Variants in TENM2 observed in about 807,000 individuals in gnomAD.
TENM2 encodes the protein teneurin-2.
TENM2 carries 52 observed loss-of-function variants against 245.2 expected under a neutral mutation model. The ratio of observed to expected loss-of-function variants is 0.21; its 90% CI spans 0.17 to 0.27. The LOEUF is 0.27. Ranked by LOEUF, TENM2 falls within the 10% of genes least tolerant of loss-of-function variation. The pLI is 1.00. For missense variants in TENM2, 3,046 were observed against 3,666.8 expected (o/e 0.83, Z 4.37); for synonymous variants, 1,363 against 1,438.9 (o/e 0.95, Z 1.19).
At chr5:167,454,873 C>T (rs1276482802) in intron 2 of TENM2, among the ~76,000 whole-genome samples, 1 of 152,118 alleles carries the variant, frequency 6.6e-6, no homozygotes, top group East Asian at 1.9e-4. Context: ...ATGATGAAAG[C>T]CTGTGATGGA....
chr5:167,465,736 C>G (rs1335772971), intron 2 of TENM2, among the ~76,000 whole-genome samples: 1 of 152,120 alleles, frequency 6.6e-6, no homozygotes, highest in East Asian at 1.9e-4. Context: ...GAGGCTGAGG[C>G]AGGAGAATGG....
intron 2 of TENM2, among the ~76,000 whole-genome samples, chr5:167,749,787 G>A (rs920417548): frequency 2.0e-5 from 3 of 152,066 alleles, no homozygotes; most frequent in Non-Finnish European, 2.9e-5. Context: ...ACTGTGCACT[G>A]GCATTTGAAA....
chr5:167,281,112 TG>T (rs142262238), upstream of TENM2, among the ~76,000 whole-genome samples: 12,912 of 147,718 alleles, frequency 0.087, 732 homozygotes, highest in East Asian at 0.19. Flanking sequence ...TGACAATCAA[TG>T]TTTTTTTTTT....
At chr5:168,236,959 T>C (rs1562318613) in intron 25 of TENM2, among the ~76,000 whole-genome samples, 31 of 2,254 alleles carry the variant, frequency 0.014, 1 homozygote, top group Non-Finnish European at 0.031. Flanking sequence ...TATATATATA[T>C]ATATATATAT....
In TENM2 at chr5:167,959,188, CTT is replaced by C. The variant is rs71593155; in HGVS notation, c.947+6381_947+6382del. Among the ~76,000 whole-genome samples, 1,354 of 138,222 alleles carry C rather than the reference CTT, an allele frequency of 9.8e-3. 16 individuals carry two copies. Among genetic ancestry groups the C allele is most frequent in the African/African-American group, 0.034 (1,277 of 37,752 alleles). The allele number at this position is 138,222 out of a possible 152,430, so 90.7% of individuals were successfully genotyped here. On this transcript the variant is annotated intron_variant, in intron 4 of 28. Transcript: ENST00000518659. The stretch of plus-strand genomic sequence containing the variant: ...GAGGCTTAGTTCATTCCTTTTCATT[CTT>C]TTTTTTTTTTTTTTCTTTTTTTGAG...
chr5:167,308,736 C>T (rs182488580), intron 1 of TENM2, among the ~76,000 whole-genome samples: 2 of 152,340 alleles, frequency 1.3e-5, no homozygotes, highest in African/African-American at 4.8e-5. Context: ...TATAAATATG[C>T]TGTCGGGCTC....
At chr5:167,639,929 T>C (rs1779445304) in intron 2 of TENM2, among the ~76,000 whole-genome samples, 1 of 152,292 alleles carries the variant, frequency 6.6e-6, no homozygotes, top group South Asian at 2.1e-4. Context: ...GATCTACCAC[T>C]CAGTTTATAG....
intron 13 of TENM2, among the ~76,000 whole-genome samples, chr5:168,167,884 A>T (rs1327568008): frequency 6.6e-6 from 1 of 152,182 alleles, no homozygotes; most frequent in East Asian, 1.9e-4. Flanking sequence ...AATGCATGTG[A>T]TGTATTTTAC....
chr5:167,175,345 G>A, the TENM2 span, among the ~76,000 whole-genome samples: 1 of 151,860 alleles, frequency 6.6e-6, no homozygotes, highest in South Asian at 2.1e-4. Flanking sequence ...GTTTCAGATG[G>A]CCAGTGGTAA....
the TENM2 span, among the ~76,000 whole-genome samples, chr5:167,122,091 T>G: frequency 8.5e-5 from 13 of 152,180 alleles, no homozygotes; most frequent in Non-Finnish European, 1.5e-4. Flanking sequence ...CTGCCCGTAG[T>G]ATTGCATTCA....
upstream of TENM2, among the ~76,000 whole-genome samples, chr5:167,280,081 C>A: frequency 6.6e-6 from 1 of 152,182 alleles, no homozygotes; most frequent in East Asian, 1.9e-4. Context: ...GAACCTACCT[C>A]ATTACTGCCA....
At chr5:167,489,278 G>C (rs1768278560) in intron 2 of TENM2, among the ~76,000 whole-genome samples, 2 of 152,126 alleles carry the variant, frequency 1.3e-5, no homozygotes, top group Non-Finnish European at 2.9e-5. Flanking sequence ...ATGCAATCTG[G>C]CTCTACTGAC....
intron 1 of TENM2, among the ~76,000 whole-genome samples, chr5:167,294,605 G>C (rs138921479): frequency 6.6e-6 from 1 of 152,162 alleles, no homozygotes; most frequent in African/African-American, 2.4e-5. Context: ...CCACCACTCA[G>C]AGTTGACCTC....
intron 3 of TENM2, among the ~76,000 whole-genome samples, chr5:167,912,916 C>A (rs979418265): frequency 7.9e-5 from 12 of 151,992 alleles, no homozygotes; most frequent in Admixed American, 7.2e-4. Flanking sequence ...ACACCCTGGG[C>A]AAAGGCAAGG....
At chr5:168,157,381 T>A (rs1015970242) in intron 12 of TENM2, among the ~76,000 whole-genome samples, 1 of 152,118 alleles carries the variant, frequency 6.6e-6, no homozygotes, top group East Asian at 1.9e-4. Flanking sequence ...GCTATTGAAG[T>A]GTTTCCAGCA....
chr5:167,276,380 G>T, the TENM2 span, among the ~76,000 whole-genome samples: 1 of 150,836 alleles, frequency 6.6e-6, no homozygotes, highest in Non-Finnish European at 1.5e-5. Flanking sequence ...GTGTGTGTGT[G>T]TGTGTGTGTG....
chr5:168,156,247 T>TAAA (rs58825054), intron 12 of TENM2, among the ~76,000 whole-genome samples: 9 of 80,794 alleles, frequency 1.1e-4, no homozygotes, highest in African/African-American at 5.0e-4. Flanking sequence ...TCCCCATAGT[T>TAAA]AAAAAAAAAA....
exon 1 of TENM2, chr5:167,284,799 C>A (rs777928589): frequency 6.7e-7 from 1 of 1,498,394 alleles, no homozygotes; most frequent in Non-Finnish European, 9.1e-7. Context: ...TCAGGCCTGA[C>A]TTTTCTGAAA....
the TENM2 span, among the ~76,000 whole-genome samples, chr5:167,211,986 C>A: frequency 1.3e-5 from 2 of 152,140 alleles, no homozygotes; most frequent in African/African-American, 2.4e-5. Context: ...AGTTACATCT[C>A]TAAAGCCCAA....
Sources: gnomAD v4.1 joint callset for allele counts (sites outside exome capture counted in the v4.1 genomes callset) on GRCh38, gnomAD v4.1.1 for gene constraint, MANE v1.5 for transcripts, NCBI Gene and HGNC (gene_info 2026-07-23, HGNC 2026-07-21) for gene names.